The following C1orf21 variants were observed in gnomAD, a reference collection of about 807,000 sequenced individuals.
C1orf21 encodes the protein chromosome 1 open reading frame 21, also known as uncharacterized protein C1orf21.
Under a neutral mutation model 18.7 loss-of-function variants are expected in C1orf21, and 3 were observed. The observed-to-expected ratio is 0.16, with a 90% confidence interval of 0.07 to 0.42. The LOEUF (loss-of-function observed/expected upper bound fraction) is 0.42. Among genes scored for constraint, C1orf21 ranks in the 10% least tolerant of loss-of-function variants. The pLI is 0.99. For synonymous variants in C1orf21, 41 were observed against 46.4 expected (o/e 0.88, Z 0.47); for missense variants, 104 against 143.6 (o/e 0.72, Z 1.41).
chr1:184,592,773 C>T (rs1659457744), intron 4 of C1orf21, among the ~76,000 whole-genome samples: 1 of 152,206 alleles, frequency 6.6e-6, no homozygotes, highest in Admixed American at 6.5e-5. Context: ...TACCCTGGCT[C>T]AGTGTCTGTG....
chr1:184,618,132 A>G (rs1659860108), intron 5 of C1orf21, among the ~76,000 whole-genome samples: 1 of 151,934 alleles, frequency 6.6e-6, no homozygotes, highest in African/African-American at 2.4e-5. Context: ...CTGGCCTCAA[A>G]TTCCTGACCT....
At chr1:184,517,116 C>T (rs1242624800) in intron 3 of C1orf21, among the ~76,000 whole-genome samples, 1 of 149,848 alleles carries the variant, frequency 6.7e-6, no homozygotes, top group Non-Finnish European at 1.5e-5. Context: ...AGCTCAAGAT[C>T]ACGGTCGTCA....
At chr1:184,544,409 A>G (rs951822487) in intron 3 of C1orf21, among the ~76,000 whole-genome samples, 3 of 152,196 alleles carry the variant, frequency 2.0e-5, no homozygotes, top group African/African-American at 7.2e-5. Context: ...AAATTAAAAA[A>G]ACACAGGTCA....
Position 184,505,332 on chromosome 1 carries a change from TATATATATAC to T in C1orf21, c.95-2254_95-2245del, listed in dbSNP as rs1302585023. The stretch of plus-strand genomic sequence containing the variant: ...ATATATATATATATATATATATATA[TATATATATAC>T]ACACATGCCATATATATATAGACAT... On this transcript the variant is annotated intron_variant, in intron 2 of 5. Transcript: ENST00000235307. 4.4e-4 allele frequency among the ~76,000 whole-genome samples: 60 copies of T among 135,254 alleles called. 2 individuals carry two copies. The highest frequency in any genetic ancestry group is 8.0e-4 in the African/African-American group (26 of 32,510). 88.7% of individuals were successfully genotyped at this position (135,254 alleles called of 152,430 possible). A position where few individuals can be genotyped will look rare whatever the true frequency, so the allele number is the denominator to read the frequency against.
chr1:184,572,703 C>G (rs1007637227), intron 3 of C1orf21, among the ~76,000 whole-genome samples: 1 of 152,104 alleles, frequency 6.6e-6, no homozygotes, highest in African/African-American at 2.4e-5. Context: ...CCTGTAATCC[C>G]AGCACTTTGG....
chr1:184,522,826 C>T (rs1658323064), intron 3 of C1orf21, among the ~76,000 whole-genome samples: 2 of 152,104 alleles, frequency 1.3e-5, no homozygotes, highest in African/African-American at 4.8e-5. Flanking sequence ...TAGCTGGGAC[C>T]ACAGGCATAT....
chr1:184,574,585 T>C (rs1167970723), intron 3 of C1orf21, among the ~76,000 whole-genome samples: 2 of 152,222 alleles, frequency 1.3e-5, no homozygotes, highest in Non-Finnish European at 2.9e-5. Context: ...TCTTTAACTT[T>C]TTTTTTCTTT....
intron 3 of C1orf21, chr1:184,567,579 A>C: frequency 4.2e-6 from 2 of 472,036 alleles, no homozygotes; most frequent in Admixed American, 2.2e-5. Context: ...GATCAGCTAC[A>C]TCGCAGGTCC....
chr1:184,612,088 A>G (rs150579139), intron 5 of C1orf21, among the ~76,000 whole-genome samples: 1 of 152,330 alleles, frequency 6.6e-6, no homozygotes, highest in East Asian at 1.9e-4. Flanking sequence ...TGACTGTGTT[A>G]TTAGAAATAT....
intron 1 of C1orf21, among the ~76,000 whole-genome samples, chr1:184,437,541 G>C (rs1173765509): frequency 6.6e-6 from 1 of 152,160 alleles, no homozygotes; most frequent in Non-Finnish European, 1.5e-5. Flanking sequence ...GGCAGGAGGC[G>C]TGGAGGTGTC....
intron 3 of C1orf21, among the ~76,000 whole-genome samples, chr1:184,550,043 C>A (rs1022472090): frequency 6.6e-6 from 1 of 152,184 alleles, no homozygotes; most frequent in African/African-American, 2.4e-5. Context: ...TTTGGCCCAA[C>A]TGTAGGCTGT....
chr1:184,410,620 T>C (rs1656319698), intron 1 of C1orf21, among the ~76,000 whole-genome samples: 1 of 4,394 alleles, frequency 2.3e-4, no homozygotes, highest in Non-Finnish European at 3.0e-4. Flanking sequence ...ATATATATTA[T>C]ATATATATAT....
intron 2 of C1orf21, among the ~76,000 whole-genome samples, chr1:184,496,382 G>A (rs996516538): frequency 6.6e-6 from 1 of 152,300 alleles, no homozygotes; most frequent in East Asian, 1.9e-4. Context: ...CAGTAAACCT[G>A]CAATTCTTGC....
intron 1 of C1orf21, among the ~76,000 whole-genome samples, chr1:184,451,033 A>T (rs1657112490): frequency 6.6e-6 from 1 of 152,098 alleles, no homozygotes; most frequent in Non-Finnish European, 1.5e-5. Context: ...ACATGCCATC[A>T]CGCCCAGCTA....
chr1:184,576,905 A>T (rs1659198897), intron 3 of C1orf21, among the ~76,000 whole-genome samples: 1 of 152,180 alleles, frequency 6.6e-6, no homozygotes, highest in African/African-American at 2.4e-5. Context: ...GCTCAGCTTC[A>T]TCCCCTGCCG....
chr1:184,612,329 A>G (rs1659748278), intron 5 of C1orf21, among the ~76,000 whole-genome samples: 1 of 152,224 alleles, frequency 6.6e-6, no homozygotes, highest in African/African-American at 2.4e-5. Context: ...TGCTTTGTAC[A>G]AACCCAAGAG....
intron 3 of C1orf21, among the ~76,000 whole-genome samples, chr1:184,509,123 TCTA>T (rs1658108142): frequency 6.6e-6 from 1 of 152,218 alleles, no homozygotes; most frequent in Non-Finnish European, 1.5e-5. Context: ...TCTCCTTAAA[TCTA>T]CTAATGTGTG....
intron 2 of C1orf21, among the ~76,000 whole-genome samples, chr1:184,507,106 A>G (rs1252442111): frequency 1.3e-5 from 2 of 152,086 alleles, no homozygotes; most frequent in South Asian, 2.1e-4. Flanking sequence ...CTATTTATCA[A>G]TATAACTCTT....
chr1:184,566,813 G>T, intron 3 of C1orf21: 1 of 467,410 alleles, frequency 2.1e-6, no homozygotes, highest in South Asian at 1.7e-5. Flanking sequence ...AGCTCAAGGT[G>T]AAATTTTACA....
Sources: allele counts gnomAD v4.1 joint callset (sites outside exome capture counted in the v4.1 genomes callset), GRCh38; gene constraint gnomAD v4.1.1; transcripts MANE v1.5; gene names NCBI Gene and HGNC (gene_info 2026-07-23, HGNC 2026-07-21).